ZNF236: variants seen among roughly 807,000 people sequenced by gnomAD.
ZNF236 encodes the protein zinc finger protein 236, also known as regulated by glucose.
In ZNF236, 50 loss-of-function variants were observed where a neutral mutation model predicts 191.2. That is an observed-to-expected ratio of 0.26 (90% CI 0.21 to 0.33). ZNF236 has a LOEUF of 0.33. ZNF236 is among the 10% of genes least tolerant of loss of function. The probability of loss-of-function intolerance (pLI) is 1.00; values close to 1 mark genes in which losing one functional copy is unlikely to be tolerated. For missense variants in ZNF236, 1,754 were observed against 2,374.5 expected (o/e 0.74, Z 5.43); for synonymous variants, 907 against 928.8 (o/e 0.98, Z 0.43).
At chr18:76,888,285 C>T (rs541103570) in intron 9 of ZNF236, 1 of 152,378 alleles carries the variant, frequency 6.6e-6, no homozygotes, top group East Asian at 1.9e-4. Context: ...ATGGCATGAA[C>T]CCGGGAGGCG....
intron 1 of ZNF236, among the ~76,000 whole-genome samples, chr18:76,832,465 T>C (rs1399435120): frequency 6.6e-6 from 1 of 151,972 alleles, no homozygotes; most frequent in Admixed American, 6.6e-5. Flanking sequence ...TTTACACATA[T>C]AGATACCCAA....
At chr18:76,964,273 C>G (rs1392104195) in intron 30 of ZNF236, among the ~76,000 whole-genome samples, 3 of 152,088 alleles carry the variant, frequency 2.0e-5, no homozygotes, top group Non-Finnish European at 4.4e-5. Context: ...TATGGTTGTT[C>G]AGTTCGAATA....
intron 28 of ZNF236, among the ~76,000 whole-genome samples, chr18:76,958,788 G>A (rs1265440111): frequency 1.3e-5 from 2 of 152,172 alleles, no homozygotes; most frequent in Non-Finnish European, 2.9e-5. Context: ...TCCCGAGTTT[G>A]TTTTTCCCAC....
intron 5 of ZNF236, among the ~76,000 whole-genome samples, chr18:76,873,148 G>T (rs999094610): frequency 2.6e-5 from 4 of 152,110 alleles, no homozygotes; most frequent in Non-Finnish European, 5.9e-5. Flanking sequence ...TTTAATCAAT[G>T]AAAAAATAGT....
At chr18:76,864,523 A>G (rs1171653769) in intron 3 of ZNF236, among the ~76,000 whole-genome samples, 1 of 151,724 alleles carries the variant, frequency 6.6e-6, no homozygotes, top group Non-Finnish European at 1.5e-5. Flanking sequence ...ACACACATAC[A>G]CACACACGCA....
At chr18:76,829,700 C>A (rs917468084) in intron 1 of ZNF236, among the ~76,000 whole-genome samples, 4 of 152,144 alleles carry the variant, frequency 2.6e-5, no homozygotes, top group South Asian at 2.1e-4. Context: ...GTTTAAGTAA[C>A]TATTTTAATC....
chr18:76,929,574 G>T (rs9960774), intron 25 of ZNF236, among the ~76,000 whole-genome samples: 1 of 151,934 alleles, frequency 6.6e-6, no homozygotes. Context: ...TTGGCCATTT[G>T]GTTATTTTGT....
At chr18:76,847,750 A>C (rs1287670653) in intron 1 of ZNF236, among the ~76,000 whole-genome samples, 6 of 152,242 alleles carry the variant, frequency 3.9e-5, no homozygotes, top group Admixed American at 1.3e-4. Context: ...TGCTGGGACT[A>C]CAGGCGTGAG....
At chr18:76,828,022 G>T (rs1975064279) in intron 1 of ZNF236, among the ~76,000 whole-genome samples, 1 of 152,110 alleles carries the variant, frequency 6.6e-6, no homozygotes, top group South Asian at 2.1e-4. Flanking sequence ...TTTCCAGAGA[G>T]CGGAGACAGG....
chr18:76,866,265 A>T (rs764789935), intron 3 of ZNF236, among the ~76,000 whole-genome samples: 2 of 152,224 alleles, frequency 1.3e-5, no homozygotes, highest in Non-Finnish European at 2.9e-5. Flanking sequence ...ATAGTGATGG[A>T]TCAGGTTCTG....
intron 21 of ZNF236, 124 bp downstream of exon 21, chr18:76,923,298 A>G (rs1450270494): frequency 1.6e-6 from 1 of 614,406 alleles, no homozygotes; most frequent in Admixed American, 3.2e-5. Flanking sequence ...ATGAGGCACC[A>G]AGAAGGAAGT....
rs773459128 is a variant in ZNF236 at position 76,895,036 on chromosome 18, G to C, written c.1441G>C (p.Val481Leu). Residue 481 changes from valine to leucine, a missense_variant, in exon 10 of 31, where the codon GTG becomes CTG. Transcript: ENST00000320610. ...AGGCTCCATCCGCGAGGAGAACGGC[G>C]TGCGCTGGCATGTGTGTCCCTACTG... ...LPGSIREENG[V>L]RWHVCPYCAK... 3.1e-6 allele frequency: 5 copies of C among 1,610,354 alleles called. No individual in the cohort carries two copies. In the African/African-American group the frequency reaches 6.7e-5, roughly 21 times the overall value.
intron 25 of ZNF236, chr18:76,931,220 G>C (rs581504): frequency 0.48 from 73,661 of 152,018 alleles, 19,593 homozygotes; most frequent in Non-Finnish European, 0.59. Context: ...ACAGCATTGA[G>C]CTCTTCAGGC....
At chr18:76,966,333 T>TCACA (rs372462259) in intron 30 of ZNF236, among the ~76,000 whole-genome samples, 6,096 of 148,186 alleles carry the variant, frequency 0.041, 172 homozygotes, top group African/African-American at 0.076. Context: ...CTGCCCCCCT[T>TCACA]CACACACACA....
At chr18:76,854,010 TAAAAAAAAAA>T (rs535019679) in intron 3 of ZNF236, among the ~76,000 whole-genome samples, 1 of 139,044 alleles carries the variant, frequency 7.2e-6, no homozygotes. Context: ...ACTCTGTCTT[TAAAAAAAAAA>T]AAAGAAAAGA....
rs72985229 is a variant in ZNF236 at position 76,929,626 on chromosome 18, A to G, written c.4594+1520A>G. 3.8e-3 allele frequency among the ~76,000 whole-genome samples: 581 copies of G among 152,158 alleles called. 2 individuals are homozygous for G. The highest frequency in any genetic ancestry group is 6.6e-3 in the Non-Finnish European group (452 of 67,972). ...GTAGATGAATATAACTAATATTTTAAGAATTTGGCTTCAGCTGTTCTAGGA... is the reference window on the plus strand; with the variant it reads ...GTAGATGAATATAACTAATATTTTAGGAATTTGGCTTCAGCTGTTCTAGGA... On this transcript the variant is annotated intron_variant, in intron 25 of 30. Transcript: ENST00000320610.
chr18:76,895,674 C>T (rs1231343647), intron 10 of ZNF236, among the ~76,000 whole-genome samples: 1 of 152,014 alleles, frequency 6.6e-6, no homozygotes, highest in Non-Finnish European at 1.5e-5. Flanking sequence ...CCCACAGGGA[C>T]TGCACACAGT....
chr18:76,932,228 TC>T (rs1222967434), intron 25 of ZNF236, among the ~76,000 whole-genome samples: 1 of 152,178 alleles, frequency 6.6e-6, no homozygotes, highest in East Asian at 1.9e-4. Flanking sequence ...TTTGAGGACA[TC>T]CTGGCTGAGC....
chr18:76,826,752 GT>G (rs1975030158), intron 1 of ZNF236, among the ~76,000 whole-genome samples: 2 of 149,080 alleles, frequency 1.3e-5, no homozygotes, highest in Admixed American at 1.3e-4. Flanking sequence ...GTGAGCTGAG[GT>G]CGCGCCACTG....
Sources: gnomAD v4.1 joint callset for allele counts (sites outside exome capture counted in the v4.1 genomes callset) on GRCh38, gnomAD v4.1.1 for gene constraint, MANE v1.5 for transcripts, NCBI Gene and HGNC (gene_info 2026-07-23, HGNC 2026-07-21) for gene names.